Variants in PRKCA observed in about 807,000 individuals in gnomAD.
The protein encoded by PRKCA is protein kinase C alpha, also known as protein kinase C alpha type.
In PRKCA, 27 loss-of-function variants were observed where a neutral mutation model predicts 87.0. That is an observed-to-expected ratio of 0.31 (90% CI 0.23 to 0.43). The LOEUF is 0.43. Among genes scored for constraint, PRKCA ranks in the 20% least tolerant of loss-of-function variants. The pLI is 1.00. For missense variants in PRKCA, 518 were observed against 852.3 expected (o/e 0.61, Z 4.88); for synonymous variants, 329 against 311.1 (o/e 1.06, Z -0.61).
chr17:66,364,544 A>G (rs1037471739), intron 2 of PRKCA, among the ~76,000 whole-genome samples: 13 of 152,186 alleles, frequency 8.5e-5, no homozygotes, highest in African/African-American at 3.1e-4. Context: ...ACGATAATGA[A>G]GAACAGAGAC....
At chr17:66,438,235 G>C (rs1206222649) in intron 2 of PRKCA, among the ~76,000 whole-genome samples, 1 of 152,180 alleles carries the variant, frequency 6.6e-6, no homozygotes, top group African/African-American at 2.4e-5. Flanking sequence ...TTGCTTGGCA[G>C]TGACAGTCCT....
chr17:66,307,954 CT>C (rs1286358305), intron 2 of PRKCA, among the ~76,000 whole-genome samples: 1 of 152,172 alleles, frequency 6.6e-6, no homozygotes, highest in Non-Finnish European at 1.5e-5. Flanking sequence ...TTTTATACGA[CT>C]TTGCAACTTG....
intron 2 of PRKCA, among the ~76,000 whole-genome samples, chr17:66,423,714 ATCATACCAT>A (rs1413475582): frequency 6.6e-6 from 1 of 152,198 alleles, no homozygotes; most frequent in African/African-American, 2.4e-5. Flanking sequence ...GAGAAACACA[ATCATACCAT>A]GCAGTAAAAA....
intron 13 of PRKCA, among the ~76,000 whole-genome samples, chr17:66,749,086 G>A (rs1256920783): frequency 6.8e-6 from 1 of 146,580 alleles, no homozygotes; most frequent in African/African-American, 2.5e-5. Flanking sequence ...ACCAGGACAG[G>A]CGGGTATTAG....
At chr17:66,459,823 CTTTTAT>C (rs545671842) in intron 2 of PRKCA, among the ~76,000 whole-genome samples, 5 of 152,194 alleles carry the variant, frequency 3.3e-5, no homozygotes, top group African/African-American at 1.2e-4. Flanking sequence ...GATCTTTTTA[CTTTTAT>C]TTTTATTTTT....
At chr17:66,572,420 T>C (rs1969108698) in intron 3 of PRKCA, among the ~76,000 whole-genome samples, 1 of 151,884 alleles carries the variant, frequency 6.6e-6, no homozygotes, top group African/African-American at 2.4e-5. Context: ...TGAACCAAGA[T>C]TGCACCATGA....
chr17:66,651,137 A>G (rs1050469897), intron 5 of PRKCA, among the ~76,000 whole-genome samples: 5 of 152,176 alleles, frequency 3.3e-5, no homozygotes, highest in Non-Finnish European at 7.3e-5. Flanking sequence ...AGAAGAGGGC[A>G]TTCCAGGCAA....
At chr17:66,614,185 G>T (rs1970455320) in intron 3 of PRKCA, among the ~76,000 whole-genome samples, 1 of 152,122 alleles carries the variant, frequency 6.6e-6, no homozygotes, top group Non-Finnish European at 1.5e-5. Flanking sequence ...AAGTGGAGGG[G>T]CAGGGGGTTG....
intron 2 of PRKCA, among the ~76,000 whole-genome samples, chr17:66,375,594 G>A (rs1200143082): frequency 6.6e-6 from 1 of 152,116 alleles, no homozygotes; most frequent in Non-Finnish European, 1.5e-5. Flanking sequence ...TAAGCCCCAG[G>A]TTTCTTTCAC....
At chr17:66,576,352 A>G (rs9904266) in intron 3 of PRKCA, among the ~76,000 whole-genome samples, 91,186 of 152,110 alleles carry the variant, frequency 0.6, 28,652 homozygotes, top group African/African-American at 0.8. Flanking sequence ...GGCAAAGCAT[A>G]AAGAAGCTTG....
chr17:66,466,874 TA>T lies in PRKCA; in HGVS notation c.206-29315del, dbSNP rs113767550. On this transcript the variant is annotated intron_variant, in intron 2 of 16. Coordinates refer to ENST00000413366, the MANE Select transcript of PRKCA (RefSeq NM_002737.3). ...TTGACTTGTGACCTCTTCCTTCATT[TA>T]AAAAAAAAAAAGACTTAAATTACTC... is the stretch of plus-strand genomic sequence containing the variant. 6.5e-3 allele frequency among the ~76,000 whole-genome samples: 940 copies of T among 144,798 alleles called. 6 individuals are homozygous for T. Among genetic ancestry groups the T allele is most frequent in the Middle Eastern group, 7.1e-3 (2 of 282 alleles). 95.0% of individuals were successfully genotyped at this position (144,798 alleles called of 152,430 possible). A position where few individuals can be genotyped will look rare whatever the true frequency, so the allele number is the denominator to read the frequency against.
intron 2 of PRKCA, among the ~76,000 whole-genome samples, chr17:66,428,796 G>A (rs1161201126): frequency 1.3e-5 from 2 of 152,084 alleles, no homozygotes; most frequent in Non-Finnish European, 2.9e-5. Flanking sequence ...GAGCCACCGC[G>A]CCCAGCCTGA....
intron 2 of PRKCA, among the ~76,000 whole-genome samples, chr17:66,482,747 T>A (rs1016897681): frequency 6.6e-6 from 1 of 152,338 alleles, no homozygotes; most frequent in South Asian, 2.1e-4. Context: ...GATTTTAAAT[T>A]GGACTTTGGA....
At chr17:66,630,827 C>A (rs910342624) in intron 3 of PRKCA, among the ~76,000 whole-genome samples, 1 of 152,174 alleles carries the variant, frequency 6.6e-6, no homozygotes, top group Non-Finnish European at 1.5e-5. Context: ...CCTAACCCAT[C>A]CTGTGGCTCT....
intron 14 of PRKCA, 132 bp downstream of exon 14, chr17:66,774,199 G>A (rs1207537218): frequency 9.1e-6 from 14 of 1,537,436 alleles, no homozygotes; most frequent in South Asian, 2.4e-5. Flanking sequence ...TGACCCAGGC[G>A]AAAGAGGGAG....
Position 66,645,490 on chromosome 17 carries a change from G to A in PRKCA, c.508G>A (p.Asp170Asn), listed in dbSNP as rs1971426587. The A allele has an allele frequency of 1.9e-6, 3 of 1,614,200 alleles. No individual in the cohort carries two copies. The highest frequency in any genetic ancestry group is 2.5e-6 in the Non-Finnish European group (3 of 1,180,040). ...GRIYLKAEVA[D>N]EKLHVTVRDA... ...GATTTACCTAAAGGCTGAGGTTGCT[G>A]ATGAAAAGCTCCATGTCACAGGTAA... is the stretch of plus-strand genomic sequence containing the variant. Residue 170 changes from aspartate to asparagine, a missense_variant, in exon 5 of 17, where the codon GAT becomes AAT. Asp to Asn is a conservative substitution (Grantham distance 23, BLOSUM62 1). Coordinates refer to ENST00000413366, the MANE Select transcript of PRKCA (RefSeq NM_002737.3).
At chr17:66,696,717 G>A (rs1484946842) in intron 8 of PRKCA, among the ~76,000 whole-genome samples, 3 of 152,160 alleles carry the variant, frequency 2.0e-5, no homozygotes, top group African/African-American at 7.2e-5. Flanking sequence ...CAGTGGATTG[G>A]TTGTTCCAAC....
At chr17:66,713,757 T>C (rs1973399515) in intron 8 of PRKCA, among the ~76,000 whole-genome samples, 1 of 152,154 alleles carries the variant, frequency 6.6e-6, no homozygotes, top group South Asian at 2.1e-4. Context: ...CTTGTGGCTT[T>C]TTCTGAAAAT....
intron 13 of PRKCA, among the ~76,000 whole-genome samples, chr17:66,750,881 C>T (rs938711349): frequency 1.3e-5 from 2 of 152,206 alleles, no homozygotes; most frequent in African/African-American, 2.4e-5. Context: ...CTTTTCCCTG[C>T]GGTGACTGTT....
Sources: allele counts gnomAD v4.1 joint callset (sites outside exome capture counted in the v4.1 genomes callset), GRCh38; gene constraint gnomAD v4.1.1; transcripts MANE v1.5; gene names NCBI Gene and HGNC (gene_info 2026-07-23, HGNC 2026-07-21).